The following FGF14 variants were observed in gnomAD, a reference collection of about 807,000 sequenced individuals.
FGF14 encodes fibroblast growth factor homologous factor 4.
Under a neutral mutation model 25.5 loss-of-function variants are expected in FGF14, and 5 were observed. The observed-to-expected ratio is 0.20, with a 90% CI of 0.10 to 0.41. The LOEUF (loss-of-function observed/expected upper bound fraction) is 0.41. Ranked by LOEUF, FGF14 falls within the 10% of genes least tolerant of loss-of-function variation. The pLI is 1.00. For missense variants in FGF14, 222 were observed against 320.1 expected (o/e 0.69, Z 2.34); for synonymous variants, 138 against 118.3 (o/e 1.17, Z -1.08).
chr13:102,149,796 C>T (rs56042997), intron 1 of FGF14, among the ~76,000 whole-genome samples: 3,753 of 152,184 alleles, frequency 0.025, 131 homozygotes, highest in African/African-American at 0.086. Flanking sequence ...GGGGAGTTAA[C>T]GAATTGGGTA....
chr13:102,202,041 C>T (rs1021480469), intron 1 of FGF14, among the ~76,000 whole-genome samples: 1 of 152,094 alleles, frequency 6.6e-6, no homozygotes, highest in Non-Finnish European at 1.5e-5. Flanking sequence ...GTGTGTGGCA[C>T]CTCCCCCAAT....
At chr13:102,056,104 C>A (rs2042417770) in intron 1 of FGF14, among the ~76,000 whole-genome samples, 1 of 152,210 alleles carries the variant, frequency 6.6e-6, no homozygotes, top group Admixed American at 6.5e-5. Context: ...GGGACACAGA[C>A]AAATCACATC....
At chr13:102,183,406 A>G (rs1388206789) in intron 1 of FGF14, among the ~76,000 whole-genome samples, 1 of 152,216 alleles carries the variant, frequency 6.6e-6, no homozygotes, top group African/African-American at 2.4e-5. Flanking sequence ...CTAAAGAAAG[A>G]CAAAGTCATT....
At chr13:102,375,585 A>G (rs996450271) in intron 1 of FGF14, among the ~76,000 whole-genome samples, 8 of 152,192 alleles carry the variant, frequency 5.3e-5, no homozygotes, top group Non-Finnish European at 1.2e-4. Flanking sequence ...TCGAAATTCA[A>G]TAAATAAGAC....
At chr13:102,293,022 G>A (rs1594754686) in intron 1 of FGF14, 1 of 152,374 alleles carries the variant, frequency 6.6e-6, no homozygotes, top group East Asian at 1.9e-4. Flanking sequence ...GATGATTAAG[G>A]AAAGCAAGAT....
intron 1 of FGF14, among the ~76,000 whole-genome samples, chr13:102,050,493 G>A (rs989312062): frequency 1.3e-5 from 2 of 152,116 alleles, no homozygotes; most frequent in African/African-American, 2.4e-5. Flanking sequence ...TAGCTTTCAA[G>A]ATGCCCATAT....
At chr13:101,830,827 G>A (rs909043007) in intron 3 of FGF14, among the ~76,000 whole-genome samples, 1 of 152,076 alleles carries the variant, frequency 6.6e-6, no homozygotes, top group South Asian at 2.1e-4. Flanking sequence ...GCTCTAGGGA[G>A]AGAATCTACC....
Position 101,716,975 on chromosome 13 carries a change from C to T in FGF14, c.*5856G>A, listed in dbSNP as rs1178766938. Reference sequence around the variant, plus strand: ...ATTTACAGGTAAATCTACTTATACACATTAGTTTAGGCAACCTTTAATTAT... The same window carrying T: ...ATTTACAGGTAAATCTACTTATACATATTAGTTTAGGCAACCTTTAATTAT... On this transcript the variant is annotated 3_prime_UTR_variant, in exon 5 of 5. Transcript: ENST00000376143. The T allele has an allele frequency of 2.0e-5, 3 of 151,768 alleles. No individual in the cohort carries two copies. The highest frequency in any genetic ancestry group is 2.1e-4 in the South Asian group (1 of 4,798). 9.4% of individuals were successfully genotyped at this position (151,768 alleles called of 1,614,324 possible). A position where few individuals can be genotyped will look rare whatever the true frequency, so the allele number is the denominator to read the frequency against.
At chr13:102,201,096 GTC>G (rs1471974309) in intron 1 of FGF14, among the ~76,000 whole-genome samples, 1 of 86,494 alleles carries the variant, frequency 1.2e-5, no homozygotes, top group African/African-American at 5.1e-5. Flanking sequence ...GCGAGACTCC[GTC>G]TCTCAAAAAA....
At chr13:102,264,011 C>CTT (rs5806287) in intron 1 of FGF14, among the ~76,000 whole-genome samples, 11,195 of 144,234 alleles carry the variant, frequency 0.078, 440 homozygotes, top group East Asian at 0.11. Context: ...TTTCTCTTTC[C>CTT]TTTTTTTTTT....
intron 1 of FGF14, among the ~76,000 whole-genome samples, chr13:102,346,403 T>C: frequency 6.6e-6 from 1 of 152,078 alleles, no homozygotes; most frequent in East Asian, 1.9e-4. Flanking sequence ...CCATCCCAGG[T>C]CATATAATTA....
At chr13:102,049,645 T>C (rs2042133845) in intron 1 of FGF14, among the ~76,000 whole-genome samples, 1 of 152,170 alleles carries the variant, frequency 6.6e-6, no homozygotes, top group African/African-American at 2.4e-5. Context: ...TTATTACAGG[T>C]ATAATTAGTT....
At chr13:102,032,208 G>C (rs1280088600) in intron 1 of FGF14, among the ~76,000 whole-genome samples, 1 of 152,084 alleles carries the variant, frequency 6.6e-6, no homozygotes, top group Non-Finnish European at 1.5e-5. Context: ...TTACTGAAAT[G>C]CAACTGCTTT....
chr13:102,201,435 A>G (rs996194551), intron 1 of FGF14, among the ~76,000 whole-genome samples: 4 of 152,152 alleles, frequency 2.6e-5, no homozygotes, highest in African/African-American at 7.2e-5. Flanking sequence ...TCATTTTTCA[A>G]AACCCTCCAA....
intron 3 of FGF14, among the ~76,000 whole-genome samples, chr13:101,763,447 A>T (rs751076410): frequency 6.6e-6 from 1 of 152,224 alleles, no homozygotes; most frequent in African/African-American, 2.4e-5. Flanking sequence ...TACCACTTTA[A>T]TGACAAGATT....
rs188688275 is a variant in FGF14 at position 102,372,423 on chromosome 13, C to A, written c.208+29048G>T. On this transcript the variant is annotated intron_variant, in intron 1 of 4. Transcript: ENST00000376131. Reference sequence around the variant, plus strand: ...TAAATGGCTGTCCTTTATCTGGCAACTCTACAAAGCAGCAGACGAGAAGAC... The same window carrying A: ...TAAATGGCTGTCCTTTATCTGGCAAATCTACAAAGCAGCAGACGAGAAGAC... Among the ~76,000 whole-genome samples the A allele has an allele frequency of 1.1e-3, 168 of 152,250 alleles. 2 individuals are homozygous for A. Among genetic ancestry groups the A allele is most frequent in the African/African-American group, 3.6e-3 (151 of 41,554 alleles).
intron 1 of FGF14, among the ~76,000 whole-genome samples, chr13:102,004,525 CTCTCTA>C (rs1354257699): frequency 7.9e-5 from 12 of 152,210 alleles, no homozygotes; most frequent in Non-Finnish European, 1.2e-4. Flanking sequence ...GTGATGCTCT[CTCTCTA>C]TAACAACAAG....
rs372705140 is a variant in FGF14, at chr13:101,916,523, G to T, written c.123C>A (p.Asn41Lys). The change falls in exon 1 of 5, where the codon AAC becomes AAA. Residue 41 changes from asparagine to lysine, a missense_variant. Asn to Lys is a moderately conservative substitution (Grantham distance 94). Coordinates refer to ENST00000376143, the MANE Select transcript of FGF14 (RefSeq NM_004115.4). ...SSPSKNRGLC[N>K]GNLVDIFSKV... is the part of the protein sequence containing the mutation. ...TGGAGAAGATATCCACCAGGTTGCCGTTGCAGAGCCCGCGGTTCTTGCTGG... is the reference window on the plus strand; with the variant it reads ...TGGAGAAGATATCCACCAGGTTGCCTTTGCAGAGCCCGCGGTTCTTGCTGG... 18 of 1,613,832 alleles carry T rather than the reference G, an allele frequency of 1.1e-5. No individual in the cohort carries two copies. Among genetic ancestry groups the T allele is most frequent in the Admixed American group, 1.7e-5 (1 of 60,036 alleles).
chr13:102,363,556 C>T (rs990091410), intron 1 of FGF14, among the ~76,000 whole-genome samples: 1 of 152,240 alleles, frequency 6.6e-6, no homozygotes, highest in Non-Finnish European at 1.5e-5. Flanking sequence ...TACACCACCA[C>T]TGCATTCCGT....
Sources: allele counts gnomAD v4.1 joint callset (sites outside exome capture counted in the v4.1 genomes callset), GRCh38; gene constraint gnomAD v4.1.1; transcripts MANE v1.5; gene names NCBI Gene and HGNC (gene_info 2026-07-23, HGNC 2026-07-21).